The following ZFHX3 variants were observed in gnomAD, a reference collection of about 807,000 sequenced individuals.
The protein encoded by ZFHX3 is zinc finger homeobox 3.
Under a neutral mutation model 279.1 loss-of-function variants are expected in ZFHX3, and 42 were observed. The ratio of observed to expected loss-of-function variants is 0.15; its 90% confidence interval spans 0.12 to 0.19. The LOEUF (loss-of-function observed/expected upper bound fraction) is 0.19. Ranked by LOEUF, ZFHX3 falls within the 10% of genes least tolerant of loss-of-function variation. The pLI is 1.00. For missense variants in ZFHX3, 4,981 were observed against 4,754.0 expected, an observed-to-expected ratio of 1.05 and a Z score of -1.40; for synonymous variants, 2,293 against 1,957.8, an observed-to-expected ratio of 1.17 and a Z score of -4.52.
intron 1 of ZFHX3, among the ~76,000 whole-genome samples, chr16:73,056,745 CACGATTGCAGCA>C (rs1241940365): frequency 6.6e-6 from 1 of 152,194 alleles, no homozygotes; most frequent in African/African-American, 2.4e-5. Context: ...AATGTAGGTA[CACGATTGCAGCA>C]CGCTGCCCTA....
chr16:72,896,169 C>T (rs1274625288), intron 3 of ZFHX3, among the ~76,000 whole-genome samples: 1 of 152,132 alleles, frequency 6.6e-6, no homozygotes, highest in Non-Finnish European at 1.5e-5. Flanking sequence ...GGCACACGTT[C>T]GGGGGTCAAC....
chr16:72,922,328 C>T (rs1175932918), intron 3 of ZFHX3, among the ~76,000 whole-genome samples: 5 of 152,314 alleles, frequency 3.3e-5, no homozygotes, highest in East Asian at 1.9e-4. Context: ...TAACCATCCC[C>T]GCATTAGGAC....
intron 2 of ZFHX3, among the ~76,000 whole-genome samples, chr16:73,471,762 C>T (rs2018672690): frequency 6.6e-6 from 1 of 152,170 alleles, no homozygotes; most frequent in Non-Finnish European, 1.5e-5. Flanking sequence ...GAGAAGAACT[C>T]ACATAAAGGA....
chr16:73,112,585 T>C (rs1011834604), intron 7 of ZFHX3, among the ~76,000 whole-genome samples: 4 of 151,374 alleles, frequency 2.6e-5, no homozygotes, highest in African/African-American at 9.7e-5. Context: ...TGGTGGCACA[T>C]GTCTGTAATC....
chr16:73,349,317 C>T (rs2016180593), intron 3 of ZFHX3, among the ~76,000 whole-genome samples: 1 of 152,194 alleles, frequency 6.6e-6, no homozygotes, highest in Non-Finnish European at 1.5e-5. Context: ...AACCCTGACA[C>T]CTAGTTGGAG....
chr16:73,287,851 T>TGTGGGTTGCTGTGTGGGTGG (rs1336910205), intron 4 of ZFHX3, among the ~76,000 whole-genome samples: 1 of 151,206 alleles, frequency 6.6e-6, no homozygotes, highest in Non-Finnish European at 1.5e-5. Flanking sequence ...TGAGTGGCTG[T>TGTGGGTTGCTGTGTGGGTGG]GTGGGTCAGT....
chr16:73,586,389 A>AAAAC (rs145424169), intron 2 of ZFHX3, among the ~76,000 whole-genome samples: 3,348 of 146,730 alleles, frequency 0.023, 91 homozygotes, highest in African/African-American at 0.055. Flanking sequence ...ACTCTATCTC[A>AAAAC]AAACAAACAA....
At chr16:72,902,165 T>C (rs2039053896) in intron 3 of ZFHX3, among the ~76,000 whole-genome samples, 1 of 152,214 alleles carries the variant, frequency 6.6e-6, no homozygotes, top group African/African-American at 2.4e-5. Context: ...ATGTTAATTG[T>C]AAATACAATT....
At chr16:73,156,336 A>C (rs1967084650) in intron 5 of ZFHX3, among the ~76,000 whole-genome samples, 1 of 152,056 alleles carries the variant, frequency 6.6e-6, no homozygotes. Context: ...AGTAGTTCCC[A>C]TTAAAAAAAA....
intron 4 of ZFHX3, among the ~76,000 whole-genome samples, chr16:73,284,180 G>A (rs1454746714): frequency 6.6e-6 from 1 of 151,530 alleles, no homozygotes; most frequent in African/African-American, 2.4e-5. Flanking sequence ...AGCTGGGCAC[G>A]GGGGCAGGCG....
intron 3 of ZFHX3, among the ~76,000 whole-genome samples, chr16:73,344,700 G>A (rs548007488): frequency 1.3e-5 from 2 of 151,780 alleles, no homozygotes; most frequent in African/African-American, 4.9e-5. Context: ...GAGAGACAGA[G>A]AGAGAGAGAG....
chr16:73,522,583 T>C (rs960910650), intron 2 of ZFHX3, among the ~76,000 whole-genome samples: 15 of 152,066 alleles, frequency 9.9e-5, no homozygotes, highest in African/African-American at 3.4e-4. Context: ...GCCCAGACCA[T>C]GTCCAATCCC....
In ZFHX3 at chr16:73,588,227, T is replaced by C. The variant is rs551694034; in HGVS notation, c.-1547+91953A>G. 7.9e-5 allele frequency among the ~76,000 whole-genome samples: 12 copies of C among 152,238 alleles called. No homozygotes were observed. In the East Asian group the frequency reaches 2.1e-3, roughly 27 times the overall value. On this transcript the variant is annotated intron_variant, in intron 2 of 17. Transcript: ENST00000641206. ...AACTGACAATGAAAATGCTGAACTA[T>C]ATTTTAAAAGTTAAAGAATGCAGAT...
chr16:73,355,315 A>G (rs2016320803), intron 3 of ZFHX3, among the ~76,000 whole-genome samples: 1 of 152,160 alleles, frequency 6.6e-6, no homozygotes, highest in Admixed American at 6.5e-5. Flanking sequence ...TGACATGAAT[A>G]ATAATAATAA....
At chr16:72,833,744 C>G (rs1169307446) in intron 4 of ZFHX3, among the ~76,000 whole-genome samples, 1 of 152,156 alleles carries the variant, frequency 6.6e-6, no homozygotes, top group Non-Finnish European at 1.5e-5. Flanking sequence ...GCCTCCCAGA[C>G]AGCTCTGTGT....
intron 2 of ZFHX3, among the ~76,000 whole-genome samples, chr16:73,473,371 A>AAAAAAAAC (rs2018709703): frequency 8.6e-5 from 13 of 150,710 alleles, no homozygotes; most frequent in African/African-American, 3.0e-4. Context: ...AAAAAAAAAA[A>AAAAAAAAC]ACAAAATAAT....
chr16:73,804,936 G>C (rs1178604935), intron 1 of ZFHX3, among the ~76,000 whole-genome samples: 1 of 125,610 alleles, frequency 8.0e-6, no homozygotes, highest in Non-Finnish European at 1.7e-5. Flanking sequence ...GAGGGAGGGA[G>C]AGAGGGAGAG....
chr16:73,593,280 G>C (rs992614078), intron 2 of ZFHX3, among the ~76,000 whole-genome samples: 14 of 151,880 alleles, frequency 9.2e-5, no homozygotes, highest in African/African-American at 3.1e-4. Context: ...CATGAGGCTA[G>C]CAAAACCTGG....
intron 5 of ZFHX3, among the ~76,000 whole-genome samples, chr16:73,251,764 A>G (rs548340619): frequency 7.6e-4 from 110 of 145,664 alleles, no homozygotes; most frequent in African/African-American, 2.7e-3. Context: ...CCACACACAC[A>G]CACACCATGC....
Sources: allele counts gnomAD v4.1 joint callset (sites outside exome capture counted in the v4.1 genomes callset), GRCh38; gene constraint gnomAD v4.1.1; transcripts MANE v1.5; gene names NCBI Gene and HGNC (gene_info 2026-07-23, HGNC 2026-07-21).